DRICH1: variants seen among roughly 807,000 people sequenced by gnomAD.
The protein encoded by DRICH1 is aspartate-rich protein 1.
A neutral mutation model predicts 39.5 loss-of-function variants in DRICH1; 38 were observed. The observed-to-expected ratio is 0.96, with a 90% CI of 0.74 to 1.26. DRICH1 has a LOEUF of 1.26. Among genes scored for constraint, DRICH1 ranks in the 50% most tolerant of loss-of-function variants. DRICH1 has a pLI of 0.00. For missense variants in DRICH1, 279 were observed against 270.4 expected, an observed-to-expected ratio of 1.03 and a Z score of -0.22; for synonymous variants, 84 against 99.5, an observed-to-expected ratio of 0.84 and a Z score of 0.93.
intron 5 of DRICH1, among the ~76,000 whole-genome samples, chr22:23,619,720 T>C (rs62238864): frequency 0.032 from 4,895 of 152,324 alleles, 246 homozygotes; most frequent in African/African-American, 0.11. Flanking sequence ...AGAATGCTGA[T>C]AGATGCTGAA....
chr22:23,613,258 A>T (rs765372652), intron 11 of DRICH1, 31 bp downstream of exon 11: 3 of 1,591,854 alleles, frequency 1.9e-6, no homozygotes, highest in Non-Finnish European at 2.6e-6. Context: ...ACCTTTTCCC[A>T]TTGGGTTTTT....
chr22:23,600,413 T>C, the DRICH1 span, among the ~76,000 whole-genome samples: 1 of 152,132 alleles, frequency 6.6e-6, no homozygotes, highest in Admixed American at 6.5e-5. Context: ...TTTTGAACAG[T>C]TCCTGGGGAT....
rs763499359 is a variant in DRICH1, at chr22:23,614,136, TG to T, written c.619del (p.His207ThrfsTer2). On this transcript the variant is annotated frameshift_variant and splice_region_variant, in exon 9 of 12. Coordinates refer to ENST00000317749, the MANE Select transcript of DRICH1 (RefSeq NM_016449.4). LOFTEE classifies it high-confidence loss of function. ...DEEEEDDDDI[H>X]ITARIESDLT... Reference sequence around the variant, plus strand: ...AAGACAAAAAAAGGGAGGTCTTACGTGGATGTCATCATCATCTTCTTCTTCT... The same window carrying T: ...AAGACAAAAAAAGGGAGGTCTTACGTGATGTCATCATCATCTTCTTCTTCT... The T allele has an allele frequency of 4.4e-6, 7 of 1,608,678 alleles. No individual in the cohort carries two copies. The Admixed American group carries it at 1.2e-4, about 27-fold the overall frequency.
intron 6 of DRICH1, 73 bp downstream of exon 6, chr22:23,619,291 C>T: frequency 1.3e-6 from 1 of 766,530 alleles, no homozygotes; most frequent in Non-Finnish European, 2.4e-6. Flanking sequence ...AGTTGAAAGG[C>T]TTCCCATATT....
At chr22:23,600,388 G>T in the DRICH1 span, among the ~76,000 whole-genome samples, 1 of 152,204 alleles carries the variant, frequency 6.6e-6, no homozygotes, top group Admixed American at 6.5e-5. Context: ...GTTGGCCATA[G>T]CTCTGCACCT....
At chr22:23,593,996 G>T in the DRICH1 span, among the ~76,000 whole-genome samples, 1 of 69,182 alleles carries the variant, frequency 1.4e-5, no homozygotes, top group Non-Finnish European at 3.4e-5. Context: ...AAAAAGAAAA[G>T]AGCAAACAAA....
chr22:23,589,370 G>A, the DRICH1 span, among the ~76,000 whole-genome samples: 1 of 151,782 alleles, frequency 6.6e-6, no homozygotes, highest in Non-Finnish European at 1.5e-5. Flanking sequence ...AGAATCACCT[G>A]AGCCCAAGAG....
At chr22:23,620,772 G>T (rs1927676910) in intron 4 of DRICH1, among the ~76,000 whole-genome samples, 157 bp from the exon 5 acceptor site, 1 of 145,420 alleles carries the variant, frequency 6.9e-6, no homozygotes, top group Non-Finnish European at 1.5e-5. Context: ...GAGAACACCT[G>T]TGGAAAAGAC....
chr22:23,594,968 G>C, the DRICH1 span, among the ~76,000 whole-genome samples: 28,377 of 130,090 alleles, frequency 0.22, 3,604 homozygotes, highest in African/African-American at 0.39. Flanking sequence ...CAACTCGCAG[G>C]CTCCCAGGAA....
intron 6 of DRICH1, among the ~76,000 whole-genome samples, chr22:23,618,131 T>TTTTTTTTTA (rs1433111061): frequency 2.0e-5 from 3 of 150,172 alleles, no homozygotes; most frequent in African/African-American, 7.3e-5. Flanking sequence ...TTTTTTTTTT[T>TTTTTTTTTA]GAGACAGAGT....
the DRICH1 span, among the ~76,000 whole-genome samples, chr22:23,592,030 G>A: frequency 6.6e-6 from 1 of 152,194 alleles, no homozygotes; most frequent in African/African-American, 2.4e-5. Flanking sequence ...TCCTTCTGTG[G>A]CTACGCGAGG....
At chr22:23,604,075 A>G (rs1334369723), downstream of DRICH1, among the ~76,000 whole-genome samples, 1 of 151,988 alleles carries the variant, frequency 6.6e-6, no homozygotes, top group Non-Finnish European at 1.5e-5. Flanking sequence ...GGGTCACCAC[A>G]ACACCCTCCA....
the DRICH1 span, among the ~76,000 whole-genome samples, chr22:23,589,272 G>A: frequency 6.6e-6 from 1 of 152,048 alleles, no homozygotes; most frequent in Non-Finnish European, 1.5e-5. Flanking sequence ...GCAACATGGT[G>A]AAACTTTGTC....
At chr22:23,620,277 C>T (rs1459016077) in intron 5 of DRICH1, among the ~76,000 whole-genome samples, 1 of 152,100 alleles carries the variant, frequency 6.6e-6, no homozygotes, top group Non-Finnish European at 1.5e-5. Flanking sequence ...TTGTTGCCCA[C>T]CTGGAAAGGT....
intron 7 of DRICH1, 103 bp from the exon 8 acceptor site, chr22:23,616,977 A>T: frequency 1.5e-6 from 2 of 1,371,722 alleles, no homozygotes; most frequent in Non-Finnish European, 2.1e-6. Flanking sequence ...ACTATTTGTA[A>T]GACAGTGGTA....
the DRICH1 span, among the ~76,000 whole-genome samples, chr22:23,597,504 A>G: frequency 1.0e-3 from 152 of 145,512 alleles, 5 homozygotes; most frequent in South Asian, 0.031. Flanking sequence ...CCCTGTCTCA[A>G]AAAAAAAAAA....
the DRICH1 span, among the ~76,000 whole-genome samples, chr22:23,591,016 C>T: frequency 6.6e-6 from 1 of 152,138 alleles, no homozygotes; most frequent in Non-Finnish European, 1.5e-5. Context: ...TGCTCTGCTC[C>T]GTGGATGGCA....
At position 23,631,840 on chromosome 22, in the gene DRICH1, T is replaced by G; in HGVS notation, c.184A>C (p.Ile62Leu). The change falls in exon 1 of 12, where the codon ATC becomes CTC. Residue 62 changes from isoleucine (I) to leucine (L), a missense_variant. Transcript: ENST00000317749. The stretch of plus-strand genomic sequence containing the variant: ...CCTGTGGGCATCTTTTGGTTGCTGA[T>G]GTGCTGCAGGTCTTGGCCCTCCGTG... Reference protein sequence around the residue: ...GATEGQDLQHISNQKMPTGPP... With the variant: ...GATEGQDLQHLSNQKMPTGPP... 6.2e-7 allele frequency: 1 copy of G among 1,612,370 alleles called. No individual in the cohort carries two copies. The highest frequency in any genetic ancestry group is 8.5e-7 in the Non-Finnish European group (1 of 1,180,018).
intron 6 of DRICH1, among the ~76,000 whole-genome samples, chr22:23,618,414 G>A (rs963273670): frequency 7.3e-5 from 11 of 151,236 alleles, no homozygotes; most frequent in African/African-American, 2.7e-4. Context: ...GCACCCAGCT[G>A]ATCACAATTT....
Sources: gnomAD v4.1 joint callset for allele counts (sites outside exome capture counted in the v4.1 genomes callset) on GRCh38, gnomAD v4.1.1 for gene constraint, MANE v1.5 for transcripts, NCBI Gene and HGNC (gene_info 2026-07-23, HGNC 2026-07-21) for gene names.